The following SEC31B variants were observed in gnomAD, a reference collection of about 807,000 sequenced individuals.
The protein encoded by SEC31B is SEC31 homolog B, COPII component.
SEC31B carries 113 observed loss-of-function variants against 135.0 expected under a neutral mutation model. That is an observed-to-expected ratio of 0.84 (90% confidence interval 0.72 to 0.98). The LOEUF is 0.98. Ranked by LOEUF, SEC31B falls within the 50% of genes least tolerant of loss-of-function variation. The pLI, the probability that SEC31B is intolerant of heterozygous loss-of-function variation, is 0.00. For synonymous variants in SEC31B, 508 were observed against 549.4 expected, an observed-to-expected ratio of 0.92 and a Z score of 1.05; for missense variants, 1,296 against 1,421.1, an observed-to-expected ratio of 0.91 and a Z score of 1.42.
chr10:100,512,376 C>T (rs1851752244), intron 3 of SEC31B, among the ~76,000 whole-genome samples: 1 of 152,160 alleles, frequency 6.6e-6, no homozygotes, highest in South Asian at 2.1e-4. Context: ...GTGATATTCT[C>T]CCAGAAACCT....
At chr10:100,506,975 GGT>G (rs1851644062) in intron 7 of SEC31B, among the ~76,000 whole-genome samples, 1 of 152,062 alleles carries the variant, frequency 6.6e-6, no homozygotes, top group Admixed American at 6.6e-5. Flanking sequence ...AAAAAATAAA[GGT>G]ACCCAAGGAG....
At position 100,516,192 on chromosome 10, in the gene SEC31B, G is replaced by A; in HGVS notation, c.107C>T (p.Ser36Phe). ...TTCCAATGTGCCATTTGTGCTGAAG[G>A]AGGAATCTAGCTGTTGGGCAGATGT... ...TGTSAQQLDS[S>F]FSTNGTLEIF... Residue 36 changes from serine to phenylalanine, a missense_variant, in exon 3 of 26, where the codon TCC becomes TTC. Coordinates refer to ENST00000370345, the MANE Select transcript of SEC31B (RefSeq NM_015490.4). 1 of 1,614,018 alleles carries A rather than the reference G, an allele frequency of 6.2e-7. No homozygotes were observed. The highest frequency in any genetic ancestry group is 8.5e-7 in the Non-Finnish European group (1 of 1,179,976).
chr10:100,491,533 T>A (rs1349099800), intron 19 of SEC31B, among the ~76,000 whole-genome samples: 2 of 152,140 alleles, frequency 1.3e-5, no homozygotes, highest in Non-Finnish European at 2.9e-5. Flanking sequence ...ATATAAAAAA[T>A]AATATTCCAC....
intron 3 of SEC31B, among the ~76,000 whole-genome samples, chr10:100,513,693 C>T (rs1277068813): frequency 6.6e-6 from 1 of 151,780 alleles, no homozygotes; most frequent in East Asian, 2.0e-4. Context: ...TGGTCTTGAA[C>T]TCCTGGCCTC....
chr10:100,505,566 C>T, intron 9 of SEC31B, 71 bp from the exon 10 acceptor site: 1 of 1,501,410 alleles, frequency 6.7e-7, no homozygotes, highest in Non-Finnish European at 8.8e-7. Context: ...CTACAAACTC[C>T]ATTTTGGGAG....
intron 19 of SEC31B, chr10:100,494,856 T>G (rs1851374115): frequency 6.7e-6 from 1 of 148,294 alleles, no homozygotes; most frequent in Non-Finnish European, 1.5e-5. Flanking sequence ...AGACGGAGTC[T>G]CGCTCCGTTG....
intron 3 of SEC31B, 128 bp from the exon 4 acceptor site, chr10:100,509,639 T>C (rs1851702836): frequency 1.5e-6 from 1 of 674,456 alleles, no homozygotes. Flanking sequence ...GCCTGTCTCC[T>C]TCATTTCCCA....
chr10:100,513,564 C>T (rs1401622448), intron 3 of SEC31B, among the ~76,000 whole-genome samples: 8 of 151,978 alleles, frequency 5.3e-5, no homozygotes, highest in South Asian at 4.1e-4. Flanking sequence ...CCGCCTCCCA[C>T]GTGCAAGCGA....
intron 10 of SEC31B, among the ~76,000 whole-genome samples, chr10:100,505,034 TG>T (rs1851598493): frequency 6.6e-6 from 1 of 152,106 alleles, no homozygotes; most frequent in African/African-American, 2.4e-5. Flanking sequence ...TTGCCTTCTT[TG>T]TAGTTCCTTA....
At chr10:100,507,082 T>C (rs1469180593) in intron 7 of SEC31B, among the ~76,000 whole-genome samples, 1 of 152,218 alleles carries the variant, frequency 6.6e-6, no homozygotes, top group Non-Finnish European at 1.5e-5. Context: ...GTTGTTTTTA[T>C]GAAGAAATCC....
In SEC31B at chr10:100,490,733, A is replaced by T; in HGVS notation, c.2623T>A (p.Leu875Met). 1 of 1,600,348 alleles carries T rather than the reference A, an allele frequency of 6.2e-7. No individual in the cohort carries two copies. Among genetic ancestry groups the T allele is most frequent in the South Asian group, 1.1e-5 (1 of 89,028 alleles). Residue 875 changes from leucine (L) to methionine (M), a missense_variant, in exon 20 of 26, where the codon TTG (leucine) becomes ATG (methionine). Physicochemically the swap from Leu to Met is conservative, Grantham distance 15. Coordinates refer to ENST00000370345, the MANE Select transcript of SEC31B (RefSeq NM_015490.4). ...RAPGPQAIQP[L>M]PLSPGVRPAS... is the part of the protein sequence containing the mutation. ...GGCCTTACCCCAGGGCTCAAAGGCA[A>T]AGGCTGGATGGCCTGGGGCCCAGGT...
chr10:100,489,403 A>G lies in SEC31B; in HGVS notation c.3025-5T>C. ...GGGCATAAATGTCTCTGGCAGCTAA[A>G]GAGACAGAAGGAAAGACATGAGTCT... On this transcript the variant is annotated splice_region_variant and splice_polypyrimidine_tract_variant and intron_variant, in intron 22 of 25. Coordinates refer to ENST00000370345, the MANE Select transcript of SEC31B (RefSeq NM_015490.4). 6.2e-7 allele frequency: 1 copy of G among 1,613,484 alleles called. No homozygotes were observed. Among genetic ancestry groups the G allele is most frequent in the East Asian group, 2.2e-5 (1 of 44,880 alleles).
rs1333521314 is a variant in SEC31B at position 100,496,132 on chromosome 10, T to C, written c.2310+126A>G. 3.0e-6 allele frequency: 3 copies of C among 1,006,804 alleles called. No homozygotes were observed. The African/African-American group carries it at 4.9e-5, about 16-fold the overall frequency. 62.4% of individuals were successfully genotyped at this position (1,006,804 alleles called of 1,614,324 possible). On this transcript the variant is annotated intron_variant, in intron 18 of 25. Coordinates refer to ENST00000370345, the MANE Select transcript of SEC31B (RefSeq NM_015490.4). ...TTCCCCCAGTAGATTGTGAGGTGCT[T>C]AAGGGATTCCATCTTATCTATCCTA... is the stretch of plus-strand genomic sequence containing the variant.
chr10:100,489,489 G>C (rs1851257464), intron 22 of SEC31B, 91 bp from the exon 23 acceptor site: 1 of 1,493,216 alleles, frequency 6.7e-7, no homozygotes, highest in Non-Finnish European at 9.2e-7. Context: ...TGAACAAGGA[G>C]ACAGAAGAGT....
intron 11 of SEC31B, 27 bp downstream of exon 11, chr10:100,502,227 T>C (rs1225499589): frequency 1.1e-5 from 18 of 1,585,022 alleles, no homozygotes; most frequent in Non-Finnish European, 1.5e-5. Flanking sequence ...GAGACACTTC[T>C]GAGCAGCTAG....
rs1564647067 is a variant in SEC31B at position 100,488,031 on chromosome 10, CCCT to C, written c.3353_3355del (p.Glu1118del). The C allele has an allele frequency of 6.2e-7, 1 of 1,613,896 alleles. No individual in the cohort carries two copies. On this transcript the variant is annotated inframe_deletion, in exon 25 of 26. Transcript: ENST00000370345. ...AGCACAGCTAGCTGTACTTACTGTCCCCTCACAGAGCTTCTCATATAGATACTC... is the reference window on the plus strand; with the variant it reads ...AGCACAGCTAGCTGTACTTACTGTCCCACAGAGCTTCTCATATAGATACTC...
Position 100,507,489 on chromosome 10 carries a change from CG to C in SEC31B, c.717del (p.Val240Ter), listed in dbSNP as rs1564652855. ...AAGCGCAAGTCCCACAGCTGAATCACGGGAAGTCGATCATCCTCTGAGCACA... is the reference window on the plus strand; with the variant it reads ...AAGCGCAAGTCCCACAGCTGAATCACGGAAGTCGATCATCCTCTGAGCACA... ...LVLCSEDDRLPVIQLWDLRFA... is the reference protein window; with the variant it reads ...LVLCSEDDRLXVIQLWDLRFA... On this transcript the variant is annotated frameshift_variant, in exon 7 of 26. Transcript: ENST00000370345. LOFTEE classifies it high-confidence loss of function. 1.2e-6 allele frequency: 2 copies of C among 1,614,218 alleles called. No homozygotes were observed. Among genetic ancestry groups the C allele is most frequent in the Non-Finnish European group, 1.7e-6 (2 of 1,180,038 alleles).
chr10:100,493,921 T>C (rs919591195), intron 19 of SEC31B, among the ~76,000 whole-genome samples: 8 of 149,032 alleles, frequency 5.4e-5, no homozygotes, highest in South Asian at 2.1e-4. Flanking sequence ...TGTGAATCTA[T>C]GGTTATTTTT....
chr10:100,515,200 G>A (rs1349933999), intron 3 of SEC31B, among the ~76,000 whole-genome samples: 2 of 152,144 alleles, frequency 1.3e-5, no homozygotes, highest in East Asian at 3.8e-4. Flanking sequence ...GCTGAGGCGG[G>A]AGGATTGCTT....
Sources: gnomAD v4.1 joint callset for allele counts (sites outside exome capture counted in the v4.1 genomes callset) on GRCh38, gnomAD v4.1.1 for gene constraint, MANE v1.5 for transcripts, NCBI Gene and HGNC (gene_info 2026-07-23, HGNC 2026-07-21) for gene names.